The following DYNC2I2 variants were observed in gnomAD, a reference collection of about 807,000 sequenced individuals.
DYNC2I2 encodes the protein dynein 2 intermediate chain 2.
In DYNC2I2, 39 loss-of-function variants were observed where a neutral mutation model predicts 52.0. The observed-to-expected ratio is 0.75, with a 90% CI of 0.58 to 0.98. The LOEUF is 0.98. Ranked by LOEUF, DYNC2I2 falls within the 50% of genes least tolerant of loss-of-function variation. DYNC2I2 has a pLI of 0.00. For synonymous variants in DYNC2I2, 359 were observed against 321.1 expected, an observed-to-expected ratio of 1.12 and a Z score of -1.26; for missense variants, 743 against 728.4, an observed-to-expected ratio of 1.02 and a Z score of -0.23.
intron 1 of DYNC2I2, among the ~76,000 whole-genome samples, chr9:128,653,626 G>C (rs1226058682): frequency 1.3e-5 from 2 of 151,094 alleles, no homozygotes; most frequent in South Asian, 2.1e-4. Context: ...TGAGGCAGGA[G>C]AATCGCTTGA....
chr9:128,644,299 C>A (rs1366591375), intron 1 of DYNC2I2, among the ~76,000 whole-genome samples: 1 of 140,082 alleles, frequency 7.1e-6, no homozygotes, highest in East Asian at 2.2e-4. Context: ...GAGACAGGGT[C>A]TCACTCTGTT....
At chr9:128,661,902 C>T in the DYNC2I2 span, among the ~76,000 whole-genome samples, 3 of 151,886 alleles carry the variant, frequency 2.0e-5, no homozygotes, top group East Asian at 1.9e-4. Context: ...ATTAGCTGGG[C>T]GTGGTGGCAG....
At chr9:128,655,611 AAAAAG>A (rs1167639170) in intron 1 of DYNC2I2, among the ~76,000 whole-genome samples, 1 of 148,260 alleles carries the variant, frequency 6.7e-6, no homozygotes, top group African/African-American at 2.5e-5. Context: ...CTGTCTCAAA[AAAAAG>A]AAAAAAAAGA....
At chr9:128,675,304 A>G in the DYNC2I2 span, among the ~76,000 whole-genome samples, 14 of 151,906 alleles carry the variant, frequency 9.2e-5, no homozygotes, top group Non-Finnish European at 4.4e-5. Flanking sequence ...CAGCCTCCCA[A>G]CTAGCTGGGA....
At chr9:128,675,306 T>C in the DYNC2I2 span, among the ~76,000 whole-genome samples, 4 of 152,082 alleles carry the variant, frequency 2.6e-5, no homozygotes, top group African/African-American at 9.7e-5. Flanking sequence ...GCCTCCCAAC[T>C]AGCTGGGATT....
At chr9:128,653,071 A>C (rs906258715) in intron 1 of DYNC2I2, among the ~76,000 whole-genome samples, 24 of 148,830 alleles carry the variant, frequency 1.6e-4, no homozygotes, top group Admixed American at 1.5e-3. Context: ...TCTACTAAAA[A>C]CACAAAAATT....
the DYNC2I2 span, among the ~76,000 whole-genome samples, chr9:128,673,791 C>T: frequency 2.7e-5 from 4 of 150,562 alleles, no homozygotes; most frequent in Non-Finnish European, 5.9e-5. Context: ...CAGGCGTGAG[C>T]TACCGCACCC....
chr9:128,671,814 G>A, the DYNC2I2 span, among the ~76,000 whole-genome samples: 56 of 151,118 alleles, frequency 3.7e-4, no homozygotes, highest in South Asian at 1.5e-3. Context: ...ACCATGCCCG[G>A]CTAATTTTTT....
At chr9:128,680,998 G>T in the DYNC2I2 span, among the ~76,000 whole-genome samples, 3 of 151,934 alleles carry the variant, frequency 2.0e-5, no homozygotes, top group Admixed American at 2.0e-4. Flanking sequence ...TTATACAAAA[G>T]AAATCACATG....
intron 1 of DYNC2I2, among the ~76,000 whole-genome samples, chr9:128,652,517 G>A (rs1589436638): frequency 6.6e-6 from 1 of 150,912 alleles, no homozygotes; most frequent in South Asian, 2.1e-4. Context: ...TAGGTACTCA[G>A]GAGGCTGACG....
rs763594721 is a variant in DYNC2I2, at chr9:128,636,321, C to A, written c.663G>T (p.Leu221=). 13 of 1,592,704 alleles carry A rather than the reference C, an allele frequency of 8.2e-6. No individual in the cohort carries two copies. The African/African-American group carries it at 1.2e-4, about 15-fold the overall frequency. The change falls in exon 4 of 9, where the codon CTG becomes CTT. Residue 221 remains leucine (L), a synonymous_variant. Transcript: ENST00000372715. ...SAVVEVPSAV[L]CLAFHPTQPS... ...GCTGCGTGGGGTGGAAGGCCAGACA[C>A]AGGACAGCGCTGGGGACCTCCACCA...
intron 2 of DYNC2I2, among the ~76,000 whole-genome samples, chr9:128,637,477 CTG>C: frequency 6.6e-6 from 1 of 152,350 alleles, no homozygotes; most frequent in South Asian, 2.1e-4. Flanking sequence ...GAGTCTCACT[CTG>C]TGGCCCAGGC....
intron 3 of DYNC2I2, 100 bp from the exon 4 acceptor site, chr9:128,636,538 C>CT (rs935580326): frequency 1.5e-6 from 2 of 1,349,256 alleles, no homozygotes; most frequent in African/African-American, 2.9e-5. Context: ...TCGCTGTGTC[C>CT]TTGTCACCAC....
chr9:128,634,442 G>A, intron 7 of DYNC2I2, 59 bp from the exon 8 acceptor site: 11 of 1,517,284 alleles, frequency 7.2e-6, no homozygotes, highest in Non-Finnish European at 9.7e-6. Context: ...GGTGGTGCTG[G>A]CCCCCAACAC....
At chr9:128,667,890 G>A in the DYNC2I2 span, among the ~76,000 whole-genome samples, 1 of 139,392 alleles carries the variant, frequency 7.2e-6, no homozygotes, top group East Asian at 2.1e-4. Context: ...GTGCCATCAT[G>A]CCCAGCCAAT....
intron 1 of DYNC2I2, among the ~76,000 whole-genome samples, chr9:128,653,241 G>C (rs964011042): frequency 6.6e-6 from 1 of 150,818 alleles, no homozygotes; most frequent in African/African-American, 2.5e-5. Context: ...ACACAAAAAA[G>C]AAAGTACCAA....
At chr9:128,659,355 C>T (rs190152060), upstream of DYNC2I2, among the ~76,000 whole-genome samples, 745 of 151,692 alleles carry the variant, frequency 4.9e-3, 6 homozygotes, top group African/African-American at 0.017. Flanking sequence ...ATTAGCCGGG[C>T]GTGGTGGCGG....
At position 128,633,984 on chromosome 9, in the gene DYNC2I2, T is replaced by C; in HGVS notation, c.1373-2A>G. On this transcript the variant is annotated splice_acceptor_variant, in intron 8 of 8. Transcript: ENST00000372715. LOFTEE classifies it high-confidence loss of function. ...GGAGATCAAACAGCTGCACGTCACC[T>C]GCAAAGAGAGACAGATACGTGGAGT... The C allele has an allele frequency of 6.2e-7, 1 of 1,612,926 alleles. No individual in the cohort carries two copies. The highest frequency in any genetic ancestry group is 8.5e-7 in the Non-Finnish European group (1 of 1,179,978).
At chr9:128,683,694 T>C in the DYNC2I2 span, 630 of 499,056 alleles carry the variant, frequency 1.3e-3, 1 homozygote, top group Non-Finnish European at 1.9e-3. Flanking sequence ...CTAAAAGAAA[T>C]TTCTCCTGAT....
Sources: allele counts gnomAD v4.1 joint callset (sites outside exome capture counted in the v4.1 genomes callset), GRCh38; gene constraint gnomAD v4.1.1; transcripts MANE v1.5; gene names NCBI Gene and HGNC (gene_info 2026-07-23, HGNC 2026-07-21).